ZNF112: variants seen among roughly 807,000 people sequenced by gnomAD.
The protein encoded by ZNF112 is zinc finger protein 112 (Y14).
Under a neutral mutation model 77.7 loss-of-function variants are expected in ZNF112, and 37 were observed. The observed-to-expected ratio is 0.48, with a 90% CI of 0.37 to 0.63. The LOEUF is 0.63. Ranked by LOEUF, ZNF112 falls within the 20% of genes least tolerant of loss-of-function variation. The probability of loss-of-function intolerance (pLI) is 0.00; values close to 1 mark genes in which losing one functional copy is unlikely to be tolerated. For synonymous variants in ZNF112, 333 were observed against 363.6 expected (o/e 0.92, Z 0.96); for missense variants, 950 against 1,077.4 (o/e 0.88, Z 1.66).
At chr19:44,337,962 T>C (rs1466605943) in intron 2 of ZNF112, among the ~76,000 whole-genome samples, 2 of 107,308 alleles carry the variant, frequency 1.9e-5, no homozygotes, top group African/African-American at 6.9e-5. Context: ...TGGCATTAAA[T>C]ACCATTCCCC....
chr19:44,329,640 C>T lies in ZNF112; in HGVS notation c.517G>A (p.Ala173Thr), dbSNP rs757340533. ...IKSQGYPSWR[A>T]HHSWRKMYLK... is the part of the protein sequence containing the mutation. ...TACATTTTCCTCCAAGAATGATGTGCCCTCCAAGATGGATACCCTTGACTT... is the reference window on the plus strand; with the variant it reads ...TACATTTTCCTCCAAGAATGATGTGTCCTCCAAGATGGATACCCTTGACTT... Residue 173 changes from alanine to threonine, a missense_variant, in exon 4 of 4, where the codon GCA (alanine) becomes ACA (threonine). Transcript: ENST00000354340. 5.6e-6 allele frequency: 9 copies of T among 1,614,122 alleles called. No homozygotes were observed. Among genetic ancestry groups the T allele is most frequent in the Middle Eastern group, 1.7e-4 (1 of 6,058 alleles).
intron 1 of ZNF112, among the ~76,000 whole-genome samples, chr19:44,362,252 TAGG>T (rs957037719): frequency 6.0e-5 from 9 of 150,800 alleles, no homozygotes; most frequent in African/African-American, 1.7e-4. Context: ...TGAGGGTATG[TAGG>T]AGGAGGAGAA....
intron 3 of ZNF112, among the ~76,000 whole-genome samples, chr19:44,335,270 G>A (rs960168498): frequency 6.6e-6 from 1 of 152,204 alleles, no homozygotes; most frequent in Admixed American, 6.5e-5. Flanking sequence ...TTCAGAATGG[G>A]GGCATTTACC....
At chr19:44,354,605 T>C (rs1162285825) in intron 1 of ZNF112, among the ~76,000 whole-genome samples, 7 of 152,186 alleles carry the variant, frequency 4.6e-5, no homozygotes, top group Non-Finnish European at 2.9e-5. Flanking sequence ...TATTCTATTT[T>C]GATACCTAAT....
intron 2 of ZNF112, among the ~76,000 whole-genome samples, chr19:44,340,082 T>A (rs1428477863): frequency 1.5e-5 from 2 of 133,302 alleles, no homozygotes; most frequent in African/African-American, 5.8e-5. Flanking sequence ...GAGTTTAAAG[T>A]TATTTACAAA....
chr19:44,357,980 G>A (rs1172469054), upstream of ZNF112, among the ~76,000 whole-genome samples: 5 of 151,986 alleles, frequency 3.3e-5, no homozygotes, highest in Admixed American at 2.0e-4. Context: ...GTGAAACCCC[G>A]TCTCTACAAA....
upstream of ZNF112, among the ~76,000 whole-genome samples, chr19:44,360,367 G>C (rs1180524892): frequency 1.4e-5 from 2 of 142,614 alleles, no homozygotes; most frequent in Non-Finnish European, 3.1e-5. Context: ...TATATAAAAG[G>C]GCAACCTAGG....
In ZNF112 at chr19:44,364,320, C is replaced by A. The variant is rs536625428; in HGVS notation, c.17+2761G>T. On this transcript the variant is annotated intron_variant, in intron 1 of 4. Coordinates refer to the ZNF112 transcript ENST00000588057. ...AAATAATGTCACACTTCTCCATGGG[C>A]TATATTAACAATTTGTATGTCTTCC... Among the ~76,000 whole-genome samples, 11 of 152,270 alleles carry A rather than the reference C, an allele frequency of 7.2e-5. No individual in the cohort carries two copies. The East Asian group carries it at 2.1e-3, about 29-fold the overall frequency.
exon 1 of ZNF112, chr19:44,367,195 AAAGGAAT>A (rs2123235978): frequency 2.2e-6 from 1 of 454,578 alleles, no homozygotes; most frequent in East Asian, 7.0e-5. Flanking sequence ...CAACTTCCTG[AAAGGAAT>A]GATGACCTCA....
rs1970215362 is a variant in ZNF112 at position 44,329,287 on chromosome 19, A to G, written c.870T>C (p.Asn290=). ...YTYSSCGKGC[N]YSSLLHIHQN... ...GATGAATATGAAGAAGTGAACTATA[A>G]TTACAGCCCTTTCCACATGAACTGT... Residue 290 remains asparagine, a synonymous_variant, in exon 4 of 4, where the codon AAT becomes AAC. Coordinates refer to ENST00000354340, the MANE Select transcript of ZNF112 (RefSeq NM_013380.4). 2 of 1,613,910 alleles carry G rather than the reference A, an allele frequency of 1.2e-6. No homozygotes were observed. Among genetic ancestry groups the G allele is most frequent in the Admixed American group, 1.7e-5 (1 of 59,962 alleles).
chr19:44,362,060 CTA>C (rs1275668674), intron 1 of ZNF112, among the ~76,000 whole-genome samples: 1 of 152,022 alleles, frequency 6.6e-6, no homozygotes, highest in East Asian at 1.9e-4. Flanking sequence ...ATGAGAAACT[CTA>C]TAATGAATAT....
rs1970198410 is a variant in ZNF112 at position 44,328,871 on chromosome 19, C to G, written c.1286G>C (p.Arg429Thr). The G allele has an allele frequency of 1.2e-6, 2 of 1,613,834 alleles. No homozygotes were observed. ...ATATGAATTCTCTTCCATATGAACCCTATGCTGAATGTCAAGATTTGAACT... is the reference window on the plus strand; with the variant it reads ...ATATGAATTCTCTTCCATATGAACCGTATGCTGAATGTCAAGATTTGAACT... ...ICSSNLDIQH[R>T]VHMEENSYNS... Residue 429 changes from arginine (R) to threonine (T), a missense_variant, in exon 4 of 4, where the codon AGG becomes ACG. By Grantham distance (71) the Arg-to-Thr change is moderately conservative. This residue lies in a region of ZNF112 where 560 missense variants were observed against 557.3 expected (regional missense o/e 1.00). Coordinates refer to ENST00000354340, the MANE Select transcript of ZNF112 (RefSeq NM_013380.4).
chr19:44,354,432 ATGT>A (rs1970749224), intron 1 of ZNF112, among the ~76,000 whole-genome samples: 1 of 152,184 alleles, frequency 6.6e-6, no homozygotes, highest in African/African-American at 2.4e-5. Flanking sequence ...TGGTCTATAA[ATGT>A]TGTTACCATT....
chr19:44,344,443 A>AAG (rs1970549512), intron 1 of ZNF112, among the ~76,000 whole-genome samples: 1 of 152,196 alleles, frequency 6.6e-6, no homozygotes, highest in South Asian at 2.1e-4. Context: ...CACCACCTCA[A>AAG]AGAGAGGTGC....
rs745709355 is a variant in ZNF112 at position 44,328,946 on chromosome 19, G to T, written c.1211C>A (p.Thr404Asn). 2 of 1,613,972 alleles carry T rather than the reference G, an allele frequency of 1.2e-6. No individual in the cohort carries two copies. The highest frequency in any genetic ancestry group is 1.7e-6 in the Non-Finnish European group (2 of 1,179,976). The change falls in exon 4 of 4, where the codon ACT becomes AAT. Residue 404 changes from threonine (T) to asparagine (N), a missense_variant. Thr to Asn is a moderately conservative substitution (Grantham distance 65). Around this residue, in one of 3 missense-constraint regions of ZNF112, gnomAD observed 560 missense variants for 557.3 expected, o/e 1.00. Transcript: ENST00000354340. The part of the protein sequence containing the change: ...SCLQVHQKIH[T>N]EEKLYTDIEY... ...TATATCTGTGTATAGTTTCTCTTCA[G>T]TGTGGATTTTTTGATGGACTTGAAG...
At chr19:44,336,390 G>A (rs1374422732) in intron 3 of ZNF112, among the ~76,000 whole-genome samples, 1 of 152,186 alleles carries the variant, frequency 6.6e-6, no homozygotes, top group Non-Finnish European at 1.5e-5. Flanking sequence ...ATGGGGCAGT[G>A]CCTCTGAAAC....
upstream of ZNF112, among the ~76,000 whole-genome samples, chr19:44,357,751 A>G (rs1187366358): frequency 6.6e-6 from 1 of 152,170 alleles, no homozygotes; most frequent in Non-Finnish European, 1.5e-5. Context: ...TAAAACCTCG[A>G]AATTTTTTTC....
At chr19:44,331,720 T>C (rs568720329) in intron 3 of ZNF112, among the ~76,000 whole-genome samples, 1 of 152,216 alleles carries the variant, frequency 6.6e-6, no homozygotes, top group Non-Finnish European at 1.5e-5. Context: ...AAGTGAACAG[T>C]AGTTGCTCAA....
intron 1 of ZNF112, among the ~76,000 whole-genome samples, chr19:44,363,707 A>G (rs948362949): frequency 6.6e-6 from 1 of 152,208 alleles, no homozygotes; most frequent in Admixed American, 6.5e-5. Context: ...TTTTATGAAT[A>G]AAGATCCTGC....
Sources: allele counts gnomAD v4.1 joint callset (sites outside exome capture counted in the v4.1 genomes callset), GRCh38; gene constraint gnomAD v4.1.1; regional missense constraint gnomAD v4.1.1; transcripts MANE v1.5; gene names NCBI Gene and HGNC (gene_info 2026-07-23, HGNC 2026-07-21).